TMPRSS15: variants seen among roughly 807,000 people sequenced by gnomAD.
TMPRSS15 encodes the protein transmembrane serine protease 15, also known as enteropeptidase.
In TMPRSS15, 128 loss-of-function variants were observed where a neutral mutation model predicts 125.3. The observed-to-expected ratio is 1.02, with a 90% confidence interval of 0.89 to 1.18. TMPRSS15 has a LOEUF of 1.18. TMPRSS15 is among the 50% of genes most tolerant of loss of function. TMPRSS15 has a pLI of 0.00. For synonymous variants in TMPRSS15, 446 were observed against 423.2 expected, an observed-to-expected ratio of 1.05 and a Z score of -0.66; for missense variants, 1,283 against 1,212.7, an observed-to-expected ratio of 1.06 and a Z score of -0.86.
chr21:18,449,999 T>G (rs2076264325), intron 1 of TMPRSS15, among the ~76,000 whole-genome samples: 1 of 152,128 alleles, frequency 6.6e-6, no homozygotes, highest in Admixed American at 6.6e-5. Context: ...GCCCAGTTTT[T>G]CATTAAAACA....
At chr21:18,364,476 G>A (rs929081277) in intron 7 of TMPRSS15, among the ~76,000 whole-genome samples, 1 of 152,092 alleles carries the variant, frequency 6.6e-6, no homozygotes, top group Non-Finnish European at 1.5e-5. Flanking sequence ...TTATATTTAT[G>A]TGAGTACAAA....
At chr21:18,351,978 T>C (rs1415414065) in intron 10 of TMPRSS15, among the ~76,000 whole-genome samples, 1 of 152,122 alleles carries the variant, frequency 6.6e-6, no homozygotes, top group Non-Finnish European at 1.5e-5. Context: ...AGGTGGCTTT[T>C]AACGTTTGTT....
intron 1 of TMPRSS15, among the ~76,000 whole-genome samples, chr21:18,399,335 C>T (rs944162477): frequency 4.6e-5 from 7 of 152,010 alleles, no homozygotes; most frequent in African/African-American, 7.2e-5. Context: ...ACCAAACTAT[C>T]CCATTAAGAG....
At chr21:18,450,820 T>C (rs2076266806) in intron 1 of TMPRSS15, among the ~76,000 whole-genome samples, 2 of 152,200 alleles carry the variant, frequency 1.3e-5, no homozygotes. Context: ...TTATTACATC[T>C]GTCAGGTGAA....
intron 1 of TMPRSS15, among the ~76,000 whole-genome samples, chr21:18,439,588 G>A (rs1006366287): frequency 1.4e-4 from 21 of 152,100 alleles, no homozygotes; most frequent in African/African-American, 5.1e-4. Context: ...ATTGGTCATC[G>A]TGTTTTATAG....
At chr21:18,331,604 A>G (rs1156246517) in intron 14 of TMPRSS15, among the ~76,000 whole-genome samples, 1 of 152,124 alleles carries the variant, frequency 6.6e-6, no homozygotes, top group Non-Finnish European at 1.5e-5. Context: ...TATCTGCTTT[A>G]TTGGCTCTAG....
Position 18,269,635 on chromosome 21 carries a change from T to C in TMPRSS15, c.*334A>G, listed in dbSNP as rs1204959297. The C allele has an allele frequency of 5.3e-6, 1 of 190,086 alleles. No homozygotes were observed. The highest frequency in any genetic ancestry group is 1.4e-4 in the East Asian group (1 of 6,910). The allele number at this position is 190,086 out of a possible 1,614,324, so 11.8% of individuals were successfully genotyped here. On this transcript the variant is annotated 3_prime_UTR_variant, in exon 25 of 25. Transcript: ENST00000284885. ...AAATTCTGCTCAAATTTCTTAAGTG[T>C]ATGGTATATGCTTTAAAATAACATC...
At chr21:18,356,049 C>T (rs567162035) in intron 8 of TMPRSS15, among the ~76,000 whole-genome samples, 2 of 151,860 alleles carry the variant, frequency 1.3e-5, no homozygotes, top group South Asian at 4.1e-4. Flanking sequence ...TTAGACATTC[C>T]TTAAGAAAAT....
At chr21:18,303,731 C>A (rs184509070) in intron 18 of TMPRSS15, among the ~76,000 whole-genome samples, 83 of 152,060 alleles carry the variant, frequency 5.5e-4, no homozygotes, top group Non-Finnish European at 1.1e-3. Flanking sequence ...TAATTTTTGG[C>A]AGATGATTTG....
intron 16 of TMPRSS15, 115 bp from the exon 17 acceptor site, chr21:18,315,371 G>A (rs936356154): frequency 6.1e-6 from 5 of 823,934 alleles, no homozygotes; most frequent in Non-Finnish European, 8.0e-6. Flanking sequence ...AGCTCAAGGT[G>A]GAACCAGCTT....
chr21:18,276,524 T>G (rs1382997867), intron 23 of TMPRSS15, among the ~76,000 whole-genome samples: 1 of 152,184 alleles, frequency 6.6e-6, no homozygotes, highest in East Asian at 1.9e-4. Context: ...TTGGCAGACT[T>G]TAATTTTACA....
At chr21:18,448,344 G>T (rs1216292346) in intron 1 of TMPRSS15, among the ~76,000 whole-genome samples, 1 of 152,072 alleles carries the variant, frequency 6.6e-6, no homozygotes, top group East Asian at 1.9e-4. Flanking sequence ...GCAGACTCTG[G>T]AGTGAGATTT....
At chr21:18,310,846 C>A (rs1173936741) in intron 18 of TMPRSS15, among the ~76,000 whole-genome samples, 1 of 151,090 alleles carries the variant, frequency 6.6e-6, no homozygotes, top group East Asian at 1.9e-4. Flanking sequence ...AGATAACTGG[C>A]ATAAAAATGG....
At position 18,343,619 on chromosome 21, in the gene TMPRSS15, T is replaced by C. The variant is rs200413486; in HGVS notation, c.1315A>G (p.Ile439Val). The C allele has an allele frequency of 6.2e-6, 10 of 1,613,730 alleles. No homozygotes were observed. Among genetic ancestry groups the C allele is most frequent in the Middle Eastern group, 1.7e-4 (1 of 5,992 alleles). The change falls in exon 12 of 25, where the codon ATT becomes GTT. Residue 439 changes from isoleucine to valine, a missense_variant. Physicochemically the swap from Ile to Val is conservative, Grantham distance 29. Coordinates refer to ENST00000284885, the MANE Select transcript of TMPRSS15 (RefSeq NM_002772.3). ...MYGENVHKLS[I>V]NISNDQNMEK... ...ATATTTTGGTCATTGCTGATATTAA[T>C]GCTTAATTTATGGACATTTTCACCA...
Position 18,322,020 on chromosome 21 carries a change from G to C in TMPRSS15, c.1921+4412C>G, listed in dbSNP as rs1171268072. Among the ~76,000 whole-genome samples the C allele has an allele frequency of 2.0e-5, 3 of 152,182 alleles. No homozygotes were observed. The East Asian group carries it at 5.8e-4, about 29-fold the overall frequency. ...TCATACATTACATACTAATTTAACAGTATAAATGAAATCTAGCTATAGGCA... is the reference window on the plus strand; with the variant it reads ...TCATACATTACATACTAATTTAACACTATAAATGAAATCTAGCTATAGGCA... On this transcript the variant is annotated intron_variant, in intron 16 of 24. Transcript: ENST00000284885.
intron 18 of TMPRSS15, among the ~76,000 whole-genome samples, chr21:18,311,348 A>G (rs1979327078): frequency 6.6e-6 from 1 of 152,166 alleles, no homozygotes; most frequent in African/African-American, 2.4e-5. Context: ...TGACAAGCAC[A>G]TATTAACCAG....
At chr21:18,319,573 C>A (rs1378247592) in intron 16 of TMPRSS15, among the ~76,000 whole-genome samples, 2 of 152,060 alleles carry the variant, frequency 1.3e-5, no homozygotes, top group Admixed American at 6.6e-5. Context: ...GGATTGCAGG[C>A]ATGTGCCACC....
chr21:18,327,702 G>A (rs1406902231), intron 15 of TMPRSS15, among the ~76,000 whole-genome samples: 1 of 149,486 alleles, frequency 6.7e-6, no homozygotes, highest in African/African-American at 2.5e-5. Context: ...ATGAATACAA[G>A]TCCAAAGCAC....
intron 1 of TMPRSS15, among the ~76,000 whole-genome samples, chr21:18,449,459 A>G (rs1363140324): frequency 1.3e-5 from 2 of 152,118 alleles, no homozygotes; most frequent in Non-Finnish European, 2.9e-5. Flanking sequence ...TCTCTTTTTT[A>G]AATTGTGTAA....
Sources: gnomAD v4.1 joint callset for allele counts (sites outside exome capture counted in the v4.1 genomes callset) on GRCh38, gnomAD v4.1.1 for gene constraint, MANE v1.5 for transcripts, NCBI Gene and HGNC (gene_info 2026-07-23, HGNC 2026-07-21) for gene names.